Variants in DDAH1 observed in about 807,000 individuals in gnomAD.
The protein encoded by DDAH1 is N(G),N(G)-dimethylarginine dimethylaminohydrolase 1.
Under a neutral mutation model 28.8 loss-of-function variants are expected in DDAH1, and 19 were observed. The ratio of observed to expected loss-of-function variants is 0.66; its 90% confidence interval spans 0.46 to 0.97. The LOEUF (loss-of-function observed/expected upper bound fraction) is 0.97. Ranked by LOEUF, DDAH1 falls within the 50% of genes least tolerant of loss-of-function variation. DDAH1 has a pLI of 0.00. For synonymous variants in DDAH1, 153 were observed against 154.4 expected, an observed-to-expected ratio of 0.99 and a Z score of 0.07; for missense variants, 326 against 375.9, an observed-to-expected ratio of 0.87 and a Z score of 1.10.
chr1:85,500,242 T>C (rs925141730), intron 1 of DDAH1, among the ~76,000 whole-genome samples: 7 of 151,114 alleles, frequency 4.6e-5, no homozygotes, highest in Admixed American at 1.3e-4. Context: ...CTTCCTTCTT[T>C]CCTTCCTTCC....
At chr1:85,341,597 G>A (rs906107527) in intron 4 of DDAH1, among the ~76,000 whole-genome samples, 4 of 152,146 alleles carry the variant, frequency 2.6e-5, no homozygotes, top group Non-Finnish European at 5.9e-5. Flanking sequence ...GGTGGATCAC[G>A]AGGTCAGGAG....
chr1:85,518,286 A>T (rs565538412), intron 1 of DDAH1, among the ~76,000 whole-genome samples: 1 of 152,266 alleles, frequency 6.6e-6, no homozygotes, highest in South Asian at 2.1e-4. Flanking sequence ...CAACACAGAC[A>T]TTATTTTACA....
At chr1:85,365,188 G>C (rs934507192) in intron 1 of DDAH1, among the ~76,000 whole-genome samples, 5 of 152,154 alleles carry the variant, frequency 3.3e-5, no homozygotes, top group Admixed American at 3.3e-4. Flanking sequence ...TAGCAAGTAA[G>C]CAGAGAGCTG....
At chr1:85,518,570 A>G (rs2773130) in intron 1 of DDAH1, among the ~76,000 whole-genome samples, 22,890 of 151,966 alleles carry the variant, frequency 0.15, 2,193 homozygotes, top group East Asian at 0.3. Flanking sequence ...TCAGGCTGCT[A>G]TCTCTCTCAC....
rs576743832 is a variant in DDAH1 at position 85,567,780 on chromosome 1, T to C, written c.-123+10204A>G. ...AAAATAGACATATTCATAATTGTAG[T>C]TGGAGATTTCAATATTCCTCTCTCA... is the stretch of plus-strand genomic sequence containing the variant. On this transcript the variant is annotated intron_variant, in intron 1 of 6. Transcript: ENST00000426972. Among the ~76,000 whole-genome samples, 10 of 152,320 alleles carry C rather than the reference T, an allele frequency of 6.6e-5. No individual in the cohort carries two copies. The East Asian group carries it at 1.4e-3, about 21-fold the overall frequency.
At chr1:85,567,139 T>G (rs1481319395) in intron 1 of DDAH1, among the ~76,000 whole-genome samples, 1 of 152,186 alleles carries the variant, frequency 6.6e-6, no homozygotes, top group African/African-American at 2.4e-5. Context: ...CTTTACTCAG[T>G]CTACTGATTC....
Position 85,576,092 on chromosome 1 carries a change from G to GAA in DDAH1, c.-123+1890_-123+1891dup, listed in dbSNP as rs148370998. Among the ~76,000 whole-genome samples the GAA allele has an allele frequency of 9.5e-3, 1,402 of 147,816 alleles. 9 individuals carry two copies. The highest frequency in any genetic ancestry group is 0.015 in the Non-Finnish European group (1,019 of 66,910). On this transcript the variant is annotated intron_variant, in intron 1 of 6. Transcript: ENST00000426972. ...TAAATAAATAAAATTTAAAAAAAAA[G>GAA]AAAAAAAAAAGAAAATGGTGTTACC... is the stretch of plus-strand genomic sequence containing the variant.
At chr1:85,388,220 G>A (rs1651374152) in intron 1 of DDAH1, among the ~76,000 whole-genome samples, 1 of 152,120 alleles carries the variant, frequency 6.6e-6, no homozygotes, top group South Asian at 2.1e-4. Flanking sequence ...GATCACAATT[G>A]TGACTATCTC....
At chr1:85,550,549 T>C (rs1469914639) in intron 1 of DDAH1, among the ~76,000 whole-genome samples, 1 of 152,296 alleles carries the variant, frequency 6.6e-6, no homozygotes, top group East Asian at 1.9e-4. Context: ...AATCGGTATG[T>C]TTTAAAAATT....
intron 1 of DDAH1, among the ~76,000 whole-genome samples, chr1:85,422,199 AT>A (rs1557610230): frequency 6.6e-6 from 1 of 152,140 alleles, no homozygotes; most frequent in African/African-American, 2.4e-5. Context: ...CCATCTGCAT[AT>A]CTTCTTTGGT....
At chr1:85,407,896 A>G (rs764530023) in intron 1 of DDAH1, among the ~76,000 whole-genome samples, 5 of 152,158 alleles carry the variant, frequency 3.3e-5, no homozygotes, top group Admixed American at 6.5e-5. Context: ...GGTTACATCT[A>G]TCATTTGTCT....
At chr1:85,500,105 TTTC>T (rs1474302439) in intron 1 of DDAH1, among the ~76,000 whole-genome samples, 2 of 118,890 alleles carry the variant, frequency 1.7e-5, no homozygotes, top group Non-Finnish European at 3.4e-5. Context: ...CTCCTTCCTC[TTTC>T]TTTTCTTTTC....
chr1:85,401,723 A>G (rs12125557), intron 1 of DDAH1, among the ~76,000 whole-genome samples: 97,360 of 151,446 alleles, frequency 0.64, 31,357 homozygotes, highest in East Asian at 0.71. Flanking sequence ...GGCTGGTCTC[A>G]AACTCCTGCA....
chr1:85,379,324 A>T (rs899972039), intron 1 of DDAH1, among the ~76,000 whole-genome samples: 3 of 152,112 alleles, frequency 2.0e-5, no homozygotes, highest in African/African-American at 7.2e-5. Context: ...CCTCCCACTA[A>T]ATGGTTGCAA....
At chr1:85,353,206 C>T (rs979185782) in intron 2 of DDAH1, among the ~76,000 whole-genome samples, 6 of 151,996 alleles carry the variant, frequency 3.9e-5, no homozygotes, top group African/African-American at 1.4e-4. Context: ...TAGTTATAGG[C>T]AAATAATTAT....
upstream of DDAH1, among the ~76,000 whole-genome samples, chr1:85,469,309 G>T (rs189101329): frequency 3.1e-4 from 47 of 152,350 alleles, no homozygotes; most frequent in Admixed American, 1.1e-3. Flanking sequence ...CTGTGGGGAG[G>T]CATATGGTGT....
chr1:85,570,884 A>G (rs915811614), intron 1 of DDAH1, among the ~76,000 whole-genome samples: 7 of 152,314 alleles, frequency 4.6e-5, no homozygotes, highest in African/African-American at 1.7e-4. Context: ...AACAAAAAAA[A>G]AAAGAGAGAA....
intron 1 of DDAH1, among the ~76,000 whole-genome samples, chr1:85,524,343 T>A (rs534692330): frequency 6.8e-6 from 1 of 146,114 alleles, no homozygotes; most frequent in South Asian, 2.3e-4. Flanking sequence ...CTGGAAAAAC[T>A]TCATGGAAGT....
rs528462827 is a variant in DDAH1 at position 85,454,383 on chromosome 1, G to A, written c.303+10360C>T. 5.3e-5 allele frequency among the ~76,000 whole-genome samples: 8 copies of A among 152,190 alleles called. No individual in the cohort carries two copies. The South Asian group carries it at 1.0e-3, about 20-fold the overall frequency. On this transcript the variant is annotated intron_variant, in intron 1 of 5. Transcript: ENST00000284031. ...TCCAAACAGTCAGGAAACCATCACC[G>A]TAAGGAGTCAACACAAGTGAGAGGA...
Sources: gnomAD v4.1 joint callset for allele counts (sites outside exome capture counted in the v4.1 genomes callset) on GRCh38, gnomAD v4.1.1 for gene constraint, MANE v1.5 for transcripts, NCBI Gene and HGNC (gene_info 2026-07-23, HGNC 2026-07-21) for gene names.